The following TLCD5 variants were observed in gnomAD, a reference collection of about 807,000 sequenced individuals.
TLCD5 encodes TLC domain-containing protein 5.
Under a neutral mutation model 20.5 loss-of-function variants are expected in TLCD5, and 15 were observed. The ratio of observed to expected loss-of-function variants is 0.73; its 90% CI spans 0.49 to 1.13. TLCD5 has a LOEUF of 1.13. Among genes scored for constraint, TLCD5 ranks in the 50% most tolerant of loss-of-function variants. The pLI is 0.00. For synonymous variants in TLCD5, 107 were observed against 114.7 expected, an observed-to-expected ratio of 0.93 and a Z score of 0.43; for missense variants, 289 against 305.6, an observed-to-expected ratio of 0.95 and a Z score of 0.41.
In TLCD5 at chr11:120,330,535, A is replaced by T. The variant is rs750249585; in HGVS notation, c.*20A>T. 4 of 1,593,446 alleles carry T rather than the reference A, an allele frequency of 2.5e-6. No individual in the cohort carries two copies. In the South Asian group the frequency reaches 4.6e-5, roughly 18 times the overall value. On this transcript the variant is annotated 3_prime_UTR_variant, in exon 3 of 3. Transcript: ENST00000375095. ...CACTAGCCAAGGCTTGCTCCAGATTATGGATTGGGTTAAGTCAGCCATGGG... is the reference window on the plus strand; with the variant it reads ...CACTAGCCAAGGCTTGCTCCAGATTTTGGATTGGGTTAAGTCAGCCATGGG...
At chr11:120,329,206 A>C (rs1942094253) in intron 2 of TLCD5, among the ~76,000 whole-genome samples, 4 of 152,028 alleles carry the variant, frequency 2.6e-5, no homozygotes, top group Non-Finnish European at 5.9e-5. Flanking sequence ...CTCTTTAAAG[A>C]CCTTATTTTC....
Position 120,330,610 on chromosome 11 carries a change from AG to A in TLCD5, c.*97del. ...ACATAATTACACTTATAACAAACTT[AG>A]GTTTCAATAAAGGGCTAAATGTATT... is the stretch of plus-strand genomic sequence containing the variant. On this transcript the variant is annotated 3_prime_UTR_variant, in exon 3 of 3. Transcript: ENST00000375095. The A allele has an allele frequency of 7.2e-7, 1 of 1,395,838 alleles. No homozygotes were observed. Among genetic ancestry groups the A allele is most frequent in the East Asian group, 2.4e-5 (1 of 41,362 alleles). 86.5% of individuals were successfully genotyped at this position (1,395,838 alleles called of 1,614,324 possible).
chr11:120,327,685 T>A, intron 2 of TLCD5, 45 bp downstream of exon 2: 1 of 1,572,064 alleles, frequency 6.4e-7, no homozygotes, highest in Non-Finnish European at 8.6e-7. Flanking sequence ...TTGGGGGTAG[T>A]CTTAGAAGTA....
rs187345102 is a variant in TLCD5 at position 120,328,370 on chromosome 11, C to T, written c.199+730C>T. Among the ~76,000 whole-genome samples the T allele has an allele frequency of 1.2e-4, 19 of 152,232 alleles. No individual in the cohort carries two copies. The East Asian group carries it at 2.1e-3, about 17-fold the overall frequency. On this transcript the variant is annotated intron_variant, in intron 2 of 2. Transcript: ENST00000375095. ...TGCTGGGATTACAGGTGTGAGCCAC[C>T]GCACCCGGCCAAGTATGCAAAAATT...
chr11:120,327,140 G>A (rs923568083), intron 1 of TLCD5: 6 of 551,540 alleles, frequency 1.1e-5, no homozygotes, highest in African/African-American at 7.5e-5. Flanking sequence ...TCGCTAGAGG[G>A]TTATTATTGA....
chr11:120,326,515 T>C (rs894989316), intron 1 of TLCD5, among the ~76,000 whole-genome samples: 3 of 152,228 alleles, frequency 2.0e-5, no homozygotes, highest in Admixed American at 2.0e-4. Context: ...ATGAAGTAGA[T>C]ATCTGATATG....
At chr11:120,329,571 C>A (rs560576507) in intron 2 of TLCD5, among the ~76,000 whole-genome samples, 7 of 152,038 alleles carry the variant, frequency 4.6e-5, no homozygotes, top group South Asian at 4.2e-4. Flanking sequence ...AGAAAAAAAT[C>A]TGACATTCAG....
At chr11:120,326,854 C>T (rs1565398713) in intron 1 of TLCD5, among the ~76,000 whole-genome samples, 1 of 152,214 alleles carries the variant, frequency 6.6e-6, no homozygotes, top group Non-Finnish European at 1.5e-5. Flanking sequence ...CCCCCAACCT[C>T]CAAGATGTCT....
chr11:120,329,635 A>T (rs1942103535), intron 2 of TLCD5, among the ~76,000 whole-genome samples: 1 of 152,200 alleles, frequency 6.6e-6, no homozygotes, highest in Non-Finnish European at 1.5e-5. Flanking sequence ...AAAAAAAAAA[A>T]ATAAAGTTTA....
Position 120,330,706 on chromosome 11 carries a change from T to C in TLCD5, c.*191T>C. 1 of 589,530 alleles carries C rather than the reference T, an allele frequency of 1.7e-6. No individual in the cohort carries two copies. Among genetic ancestry groups the C allele is most frequent in the Non-Finnish European group, 2.9e-6 (1 of 347,528 alleles). The allele number at this position is 589,530 out of a possible 1,614,324, so 36.5% of individuals were successfully genotyped here. A position where few individuals can be genotyped will look rare whatever the true frequency, so the allele number is the denominator to read the frequency against. ...AACACTAACTTCTACAGTAGCACAG[T>C]TGTAGAAAGTGAGAATACTCCATGG... On this transcript the variant is annotated 3_prime_UTR_variant, in exon 3 of 3. Coordinates refer to ENST00000375095, the MANE Select transcript of TLCD5 (RefSeq NM_001198671.2).
rs1219737952 is a variant in TLCD5 at position 120,330,688 on chromosome 11, A to C, written c.*173A>C. 4 of 663,082 alleles carry C rather than the reference A, an allele frequency of 6.0e-6. No individual in the cohort carries two copies. The highest frequency in any genetic ancestry group is 2.2e-5 in the South Asian group (1 of 44,784). 41.1% of individuals were successfully genotyped at this position (663,082 alleles called of 1,614,324 possible). On this transcript the variant is annotated 3_prime_UTR_variant, in exon 3 of 3. Coordinates refer to ENST00000375095, the MANE Select transcript of TLCD5 (RefSeq NM_001198671.2). The stretch of plus-strand genomic sequence containing the variant: ...AGCATATACCAGTATTAAAACACTA[A>C]CTTCTACAGTAGCACAGTTGTAGAA...
In TLCD5 at chr11:120,327,269, A is replaced by G. The variant is rs115398606; in HGVS notation, c.-1-172A>G. On this transcript the variant is annotated intron_variant, in intron 1 of 2. Coordinates refer to ENST00000375095, the MANE Select transcript of TLCD5 (RefSeq NM_001198671.2). ...ATCTCTGAGGAACTTGGAATGATAA[A>G]TACAGCCATACTTAAATAGAAGATT... 8.0e-4 allele frequency: 937 copies of G among 1,174,546 alleles called. 4 individuals are homozygous for G. The African/African-American group carries it at 0.013, about 16-fold the overall frequency. 72.8% of individuals were successfully genotyped at this position (1,174,546 alleles called of 1,614,324 possible).
In TLCD5 at chr11:120,327,641, G is replaced by C. The variant is rs1408665155; in HGVS notation, c.199+1G>C. 6 of 1,610,728 alleles carry C rather than the reference G, an allele frequency of 3.7e-6. No homozygotes were observed. The highest frequency in any genetic ancestry group is 5.1e-6 in the Non-Finnish European group (6 of 1,178,448). ...GGCCCATGGCCTTTTACCCACCCAG[G>C]TAGGTAGGGGATTTTCCCTTAGGGA... On this transcript the variant is annotated splice_donor_variant, in intron 2 of 2. Coordinates refer to ENST00000375095, the MANE Select transcript of TLCD5 (RefSeq NM_001198671.2). LOFTEE classifies it high-confidence loss of function.
At position 120,330,406 on chromosome 11, in the gene TLCD5, G is replaced by T; in HGVS notation, c.629G>T (p.Ser210Ile). 6.2e-7 allele frequency: 1 copy of T among 1,614,188 alleles called. No individual in the cohort carries two copies. Among genetic ancestry groups the T allele is most frequent in the African/African-American group, 1.3e-5 (1 of 75,034 alleles). Residue 210 changes from serine (S) to isoleucine (I), a missense_variant, in exon 3 of 3, where the codon AGC becomes ATC. Coordinates refer to ENST00000375095, the MANE Select transcript of TLCD5 (RefSeq NM_001198671.2). ...MYAVSWCFMF[S>I]IWRFAWRKSI... ...GCTGTGTCTTGGTGTTTCATGTTTA[G>T]CATCTGGCGCTTTGCATGGAGGAAG...
chr11:120,327,580 T>C lies in TLCD5; in HGVS notation c.139T>C (p.Ser47Pro), dbSNP rs374558383. ...GGTCACCTTCACCCATGGAGTCCTC[T>C]CTATAGGCCTCTCCGCTTATATTGG... Reference protein sequence around the residue: ...RLVTFTHGVLSIGLSAYIGFI... With the variant: ...RLVTFTHGVLPIGLSAYIGFI... The change falls in exon 2 of 3, where the codon TCT (serine) becomes CCT (proline). Residue 47 changes from serine to proline, a missense_variant. Transcript: ENST00000375095. 146 of 1,614,078 alleles carry C rather than the reference T, an allele frequency of 9.0e-5. No individual in the cohort carries two copies. Among genetic ancestry groups the C allele is most frequent in the Admixed American group, 4.7e-4 (28 of 59,994 alleles).
chr11:120,327,119 AAGGTCAGT>A, intron 1 of TLCD5: 1 of 495,020 alleles, frequency 2.0e-6, no homozygotes, highest in South Asian at 2.6e-5. Flanking sequence ...ATTATTGCCC[AAGGTCAGT>A]CATCGCTAGA....
At position 120,331,358 on chromosome 11, in the gene TLCD5, T is replaced by C. The variant is rs961890898; in HGVS notation, c.*843T>C. 3 of 152,234 alleles carry C rather than the reference T, an allele frequency of 2.0e-5. No individual in the cohort carries two copies. The highest frequency in any genetic ancestry group is 7.2e-5 in the African/African-American group (3 of 41,458). The allele number at this position is 152,234 out of a possible 1,614,324, so 9.4% of individuals were successfully genotyped here. On this transcript the variant is annotated 3_prime_UTR_variant, in exon 3 of 3. Coordinates refer to ENST00000375095, the MANE Select transcript of TLCD5 (RefSeq NM_001198671.2). The surrounding 1 kb of genome is among the most constrained non-coding windows in gnomAD (Gnocchi z 4.5). The stretch of plus-strand genomic sequence containing the variant: ...GCAGTGATTTGTTACGACATGTGAA[T>C]GAGTTGTCTACTGGACAAGGTCACT...
chr11:120,331,172 G>A lies in TLCD5; in HGVS notation c.*657G>A, dbSNP rs1242171141. 1 of 152,180 alleles carries A rather than the reference G, an allele frequency of 6.6e-6. No individual in the cohort carries two copies. Among genetic ancestry groups the A allele is most frequent in the East Asian group, 1.9e-4 (1 of 5,198 alleles). The allele number at this position is 152,180 out of a possible 1,614,324, so 9.4% of individuals were successfully genotyped here. The stretch of plus-strand genomic sequence containing the variant: ...TCTCTGGGAAGACTCAGTGGACTCA[G>A]CATATAGTCTTACTTATAGTTTTGA... On this transcript the variant is annotated 3_prime_UTR_variant, in exon 3 of 3. Coordinates refer to ENST00000375095, the MANE Select transcript of TLCD5 (RefSeq NM_001198671.2). This position sits in a 1 kb window ranked among gnomAD's most constrained non-coding sequence, Gnocchi z 4.5.
chr11:120,329,286 T>C (rs1358465051), intron 2 of TLCD5, among the ~76,000 whole-genome samples: 1 of 152,200 alleles, frequency 6.6e-6, no homozygotes, highest in Non-Finnish European at 1.5e-5. Flanking sequence ...GAGGACACAA[T>C]GCAGCCCTTA....
Sources: allele counts gnomAD v4.1 joint callset (sites outside exome capture counted in the v4.1 genomes callset), GRCh38; gene constraint gnomAD v4.1.1; non-coding constraint Gnocchi (gnomAD v3.1); transcripts MANE v1.5; gene names NCBI Gene and HGNC (gene_info 2026-07-23, HGNC 2026-07-21).